Variants in STX8 observed in about 807,000 individuals in gnomAD.
The protein encoded by STX8 is syntaxin-8.
Under a neutral mutation model 37.5 loss-of-function variants are expected in STX8, and 23 were observed. That is an observed-to-expected ratio of 0.61 (90% CI 0.44 to 0.87). The LOEUF is 0.87. STX8 is among the 40% of genes least tolerant of loss of function. The pLI is 0.00. For missense variants in STX8, 313 were observed against 284.7 expected, an observed-to-expected ratio of 1.10 and a Z score of -0.71; for synonymous variants, 115 against 99.1, an observed-to-expected ratio of 1.16 and a Z score of -0.95.
intron 6 of STX8, among the ~76,000 whole-genome samples, chr17:9,464,123 T>G (rs1258331020): frequency 2.0e-5 from 3 of 152,172 alleles, no homozygotes; most frequent in African/African-American, 7.2e-5. Flanking sequence ...GATTGAAATA[T>G]TCTTCTTTGA....
chr17:9,418,909 C>A lies in STX8; in HGVS notation c.542-40256G>T, dbSNP rs557027067. Among the ~76,000 whole-genome samples the A allele has an allele frequency of 4.3e-4, 64 of 147,652 alleles. 2 individuals carry two copies. The highest frequency in any genetic ancestry group is 1.5e-3 in the African/African-American group (62 of 40,382). ...CTTTCATTTTTTGCCCACACCCCCC[C>A]CTCTTTTTTTTTCTTTTTTTTTTTT... On this transcript the variant is annotated intron_variant, in intron 6 of 7. Coordinates refer to ENST00000306357, the MANE Select transcript of STX8 (RefSeq NM_004853.3).
chr17:9,522,757 T>C (rs556100586), intron 4 of STX8, among the ~76,000 whole-genome samples: 1 of 150,864 alleles, frequency 6.6e-6, no homozygotes, highest in East Asian at 2.0e-4. Context: ...AGGATAGTGG[T>C]TACCAGAGGC....
intron 6 of STX8, among the ~76,000 whole-genome samples, chr17:9,424,052 G>A (rs888520178): frequency 1.3e-5 from 2 of 152,134 alleles, no homozygotes; most frequent in African/African-American, 4.8e-5. Context: ...TTTTCCAGAT[G>A]TGTTGACCTC....
intron 7 of STX8, among the ~76,000 whole-genome samples, chr17:9,278,070 A>C (rs1410121300): frequency 6.6e-6 from 1 of 152,170 alleles, no homozygotes; most frequent in Non-Finnish European, 1.5e-5. Flanking sequence ...AAAGCCAACA[A>C]GACCTCTTTG....
chr17:9,416,452 G>T (rs149667645), intron 6 of STX8, among the ~76,000 whole-genome samples: 4,382 of 151,840 alleles, frequency 0.029, 226 homozygotes, highest in African/African-American at 0.1. Context: ...TCACTGAAAC[G>T]TCCACCTCCC....
intron 4 of STX8, among the ~76,000 whole-genome samples, chr17:9,530,063 T>C (rs1022214231): frequency 5.3e-4 from 81 of 152,190 alleles, no homozygotes; most frequent in African/African-American, 1.8e-3. Context: ...ATCCCAGCAC[T>C]TTGGGAGGCT....
Position 9,274,744 on chromosome 17 carries a change from C to CTTTTTTTTTTTTTTTTTTTTTT in STX8, c.644-24100_644-24099insAAAAAAAAAAAAAAAAAAAAAA, listed in dbSNP as rs201550065. Among the ~76,000 whole-genome samples, 15 of 88,884 alleles carry CTTTTTTTTTTTTTTTTTTTTTT rather than the reference C, an allele frequency of 1.7e-4. 6 individuals are homozygous for CTTTTTTTTTTTTTTTTTTTTTT. The highest frequency in any genetic ancestry group is 3.2e-4 in the Non-Finnish European group (14 of 44,070). 58.3% of individuals were successfully genotyped at this position (88,884 alleles called of 152,430 possible). ...AAAGTCTTCAAAAATACAACAATTT[C>CTTTTTTTTTTTTTTTTTTTTTT]TTTTTTCTTTTTTTTTTTTTTTTTT... On this transcript the variant is annotated intron_variant, in intron 7 of 7. Coordinates refer to ENST00000306357, the MANE Select transcript of STX8 (RefSeq NM_004853.3).
At chr17:9,272,994 C>T (rs1907525916) in intron 7 of STX8, among the ~76,000 whole-genome samples, 3 of 152,228 alleles carry the variant, frequency 2.0e-5, no homozygotes, top group African/African-American at 7.2e-5. Flanking sequence ...ATCCATCGAG[C>T]CTGGCTAGAA....
chr17:9,336,797 A>C (rs1374318742), intron 7 of STX8, among the ~76,000 whole-genome samples: 1 of 152,150 alleles, frequency 6.6e-6, no homozygotes, highest in Non-Finnish European at 1.5e-5. Flanking sequence ...AAAAAGCTTC[A>C]GGGTGAAATG....
chr17:9,416,803 G>C (rs1397855687), intron 6 of STX8, among the ~76,000 whole-genome samples: 1 of 152,190 alleles, frequency 6.6e-6, no homozygotes, highest in Non-Finnish European at 1.5e-5. Flanking sequence ...CTTGAATTCT[G>C]CTAAAATGTA....
At chr17:9,285,114 G>A (rs1908028776) in intron 7 of STX8, among the ~76,000 whole-genome samples, 2 of 152,122 alleles carry the variant, frequency 1.3e-5, no homozygotes. Flanking sequence ...AGAGCATCGT[G>A]TGATTCTTAT....
At chr17:9,311,214 TAGAC>T (rs897719993) in intron 7 of STX8, among the ~76,000 whole-genome samples, 5 of 141,080 alleles carry the variant, frequency 3.5e-5, no homozygotes, top group Admixed American at 7.5e-5. Context: ...TCCAGCCTGG[TAGAC>T]AGAGCAAGAC....
At chr17:9,464,054 A>G (rs9912240) in intron 6 of STX8, among the ~76,000 whole-genome samples, 28,610 of 152,206 alleles carry the variant, frequency 0.19, 4,446 homozygotes, top group East Asian at 0.71. Context: ...CAGCCTGGGT[A>G]ACAGAGCAAG....
chr17:9,363,368 G>A (rs983787897), intron 7 of STX8, among the ~76,000 whole-genome samples: 1 of 152,106 alleles, frequency 6.6e-6, no homozygotes, highest in African/African-American at 2.4e-5. Flanking sequence ...TAAATAGTGA[G>A]CACTTGAGTG....
intron 6 of STX8, among the ~76,000 whole-genome samples, chr17:9,420,799 C>T (rs919175034): frequency 2.0e-5 from 3 of 152,222 alleles, no homozygotes; most frequent in Admixed American, 6.5e-5. Context: ...TTCAGTCTTC[C>T]GTCTATTGAT....
At chr17:9,444,479 CTTAA>C (rs1370874343) in intron 6 of STX8, among the ~76,000 whole-genome samples, 1 of 152,144 alleles carries the variant, frequency 6.6e-6, no homozygotes, top group African/African-American at 2.4e-5. Flanking sequence ...CTGGTCCTTC[CTTAA>C]TTAATAATAA....
At chr17:9,413,407 T>G (rs569638875) in intron 6 of STX8, among the ~76,000 whole-genome samples, 33 of 152,300 alleles carry the variant, frequency 2.2e-4, no homozygotes, top group African/African-American at 7.5e-4. Context: ...GACATGGAGC[T>G]GTGATTCTTG....
intron 4 of STX8, among the ~76,000 whole-genome samples, chr17:9,538,121 T>C (rs1014186448): frequency 6.6e-6 from 1 of 152,194 alleles, no homozygotes; most frequent in Non-Finnish European, 1.5e-5. Context: ...TATTCTTGAC[T>C]GTACTTAGTA....
intron 7 of STX8, among the ~76,000 whole-genome samples, chr17:9,340,761 G>A (rs910135374): frequency 1.4e-5 from 2 of 143,010 alleles, no homozygotes; most frequent in African/African-American, 5.1e-5. Context: ...GGGTTCAAGC[G>A]ATTCTCCTGC....
Sources: allele counts gnomAD v4.1 joint callset (sites outside exome capture counted in the v4.1 genomes callset), GRCh38; gene constraint gnomAD v4.1.1; transcripts MANE v1.5; gene names NCBI Gene and HGNC (gene_info 2026-07-23, HGNC 2026-07-21).